HPRT1: variants seen among roughly 807,000 people sequenced by gnomAD.
HPRT1 encodes hypoxanthine-guanine phosphoribosyltransferase.
HPRT1 carries 4 observed loss-of-function variants against 19.0 expected under a neutral mutation model. The ratio of observed to expected loss-of-function variants is 0.21; its 90% CI spans 0.10 to 0.48. The LOEUF is 0.48. Ranked by LOEUF, HPRT1 falls within the 20% of genes least tolerant of loss-of-function variation. HPRT1 has a pLI of 0.98. For missense variants in HPRT1, 65 were observed against 164.0 expected (o/e 0.40, Z 3.30); for synonymous variants, 53 against 54.9 (o/e 0.97, Z 0.15).
rs35653185 is a variant in HPRT1, at chrX:134,482,685, G to GT, written c.319-3770dup. The stretch of plus-strand genomic sequence containing the variant: ...GTTTTTTAACTGACAAAAACCTTTA[G>GT]TTTTTTTTTTAGTAATGTGTTTATT... On this transcript the variant is annotated intron_variant, in intron 3 of 8. Coordinates refer to ENST00000298556, the MANE Select transcript of HPRT1 (RefSeq NM_000194.3). Among the ~76,000 whole-genome samples, 696 of 106,236 alleles carry GT rather than the reference G, an allele frequency of 6.6e-3. 4 individuals carry two copies. The highest frequency in any genetic ancestry group is 0.022 in the African/African-American group (634 of 29,472). The allele number at this position is 106,236 out of a possible 115,157, so 92.3% of individuals were successfully genotyped here.
chrX:134,490,505 A>G (rs867124449), intron 5 of HPRT1, among the ~76,000 whole-genome samples: 10 of 103,226 alleles, frequency 9.7e-5, no homozygotes, highest in Non-Finnish European at 1.5e-4. Flanking sequence ...TTTTATGTAT[A>G]TATATATATA....
chrX:134,470,008 A>G (rs762393740), intron 1 of HPRT1, among the ~76,000 whole-genome samples: 53 of 112,910 alleles, frequency 4.7e-4, no homozygotes, highest in Non-Finnish European at 9.2e-4. Flanking sequence ...CATTCTTTCT[A>G]TAGTAAATAT....
chrX:134,490,119 T>G, intron 4 of HPRT1, 69 bp from the exon 5 acceptor site: 1 of 672,571 alleles, frequency 1.5e-6, no homozygotes, highest in Non-Finnish European at 2.3e-6. Flanking sequence ...TGTTATGATG[T>G]GATTTGACTT....
At chrX:134,481,720 T>C (rs780240673) in intron 3 of HPRT1, among the ~76,000 whole-genome samples, 1 of 112,164 alleles carries the variant, frequency 8.9e-6, no homozygotes, top group South Asian at 3.6e-4. Flanking sequence ...CCCATGGCTT[T>C]TCACTTTGAT....
intron 2 of HPRT1, among the ~76,000 whole-genome samples, chrX:134,474,883 T>G (rs1264790812): frequency 9.0e-6 from 1 of 111,261 alleles, no homozygotes; most frequent in Non-Finnish European, 1.9e-5. Context: ...TAAAAAAAAT[T>G]TTTAATGCAT....
intron 2 of HPRT1, 108 bp from the exon 3 acceptor site, chrX:134,475,073 T>G: frequency 3.5e-6 from 2 of 577,627 alleles, no homozygotes; most frequent in South Asian, 2.6e-5. Flanking sequence ...AGGCATGGGG[T>G]CTCACTATAT....
At chrX:134,461,911 A>AT (rs1476537148) in intron 1 of HPRT1, among the ~76,000 whole-genome samples, 1 of 112,137 alleles carries the variant, frequency 8.9e-6, no homozygotes, top group African/African-American at 3.2e-5. Context: ...TGTTGTTTTT[A>AT]TTCAGTTGCT....
At chrX:134,474,046 G>A (rs372943580) in intron 2 of HPRT1, among the ~76,000 whole-genome samples, 7 of 111,971 alleles carry the variant, frequency 6.3e-5, no homozygotes, top group Middle Eastern at 4.7e-3. Context: ...TATACTATAT[G>A]CAAAAGTACA....
intron 3 of HPRT1, among the ~76,000 whole-genome samples, chrX:134,480,322 G>A (rs1195260183): frequency 9.0e-6 from 1 of 111,177 alleles, no homozygotes; most frequent in Non-Finnish European, 1.9e-5. Context: ...TCTAATATGG[G>A]CTTCCTATTA....
Position 134,475,280 on chromosome X carries a change from G to A in HPRT1, c.234G>A (p.Leu78=), listed in dbSNP as rs760963305. The change falls in exon 3 of 9, where the codon CTG becomes CTA. Residue 78 remains leucine (L), a synonymous_variant. Coordinates refer to ENST00000298556, the MANE Select transcript of HPRT1 (RefSeq NM_000194.3). The stretch of plus-strand genomic sequence containing the variant: ...GGGGCTATAAATTCTTTGCTGACCT[G>A]CTGGATTACATCAAAGCACTGAATA... The part of the protein sequence containing the change: ...LKGGYKFFAD[L]LDYIKALNRN... 2 of 1,195,421 alleles carry A rather than the reference G, an allele frequency of 1.7e-6. No homozygotes were observed. The highest frequency in any genetic ancestry group is 3.5e-5 in the African/African-American group (2 of 56,943).
At chrX:134,465,766 G>A (rs1364036574) in intron 1 of HPRT1, among the ~76,000 whole-genome samples, 1 of 112,136 alleles carries the variant, frequency 8.9e-6, no homozygotes, top group Non-Finnish European at 1.9e-5. Context: ...TTAATAACCT[G>A]TCCTTTGATT....
intron 3 of HPRT1, among the ~76,000 whole-genome samples, chrX:134,480,465 T>G (rs1350569802): frequency 9.2e-6 from 1 of 108,598 alleles, no homozygotes; most frequent in African/African-American, 3.4e-5. Flanking sequence ...TTTTTTTTTT[T>G]GAGACAAGGT....
chrX:134,492,023 A>C (rs1480315646), intron 5 of HPRT1, among the ~76,000 whole-genome samples: 1 of 98,336 alleles, frequency 1.0e-5, no homozygotes, highest in African/African-American at 3.8e-5. Flanking sequence ...ATATATATAC[A>C]TATATATATA....
At chrX:134,464,405 G>GT (rs1183335893) in intron 1 of HPRT1, among the ~76,000 whole-genome samples, 199 of 108,784 alleles carry the variant, frequency 1.8e-3, no homozygotes, top group Middle Eastern at 4.6e-3. Context: ...GCTTTGAGGT[G>GT]TTTTTTTTTG....
At chrX:134,461,056 C>CAGCCTCTGGTAT (rs2077582505) in intron 1 of HPRT1, among the ~76,000 whole-genome samples, 1 of 111,474 alleles carries the variant, frequency 9.0e-6, no homozygotes, top group Admixed American at 9.6e-5. Context: ...ACATTCTTAA[C>CAGCCTCTGGTAT]CGTAATCAGC....
intron 1 of HPRT1, among the ~76,000 whole-genome samples, chrX:134,462,187 A>C (rs1444312285): frequency 9.1e-6 from 1 of 109,925 alleles, no homozygotes; most frequent in Non-Finnish European, 1.9e-5. Flanking sequence ...TTATTTATTT[A>C]TTTATTTTTT....
intron 4 of HPRT1, among the ~76,000 whole-genome samples, chrX:134,487,758 A>G (rs767971510): frequency 8.9e-6 from 1 of 112,087 alleles, no homozygotes; most frequent in African/African-American, 3.2e-5. Context: ...TCTTTGGAAA[A>G]CTTCAGAGGA....
At chrX:134,472,773 C>T (rs774541321) in intron 1 of HPRT1, among the ~76,000 whole-genome samples, 78 of 110,527 alleles carry the variant, frequency 7.1e-4, no homozygotes, top group Non-Finnish European at 1.3e-3. Context: ...GGAGGTTTCA[C>T]CATGTTGACA....
At chrX:134,486,571 C>T (rs369630889) in intron 4 of HPRT1, 41 bp downstream of exon 4, 30 of 767,261 alleles carry the variant, frequency 3.9e-5, no homozygotes, top group African/African-American at 2.7e-4. Flanking sequence ...CACTTCATAC[C>T]GAGTCAATTA....
Sources: allele counts gnomAD v4.1 joint callset (sites outside exome capture counted in the v4.1 genomes callset), GRCh38; gene constraint gnomAD v4.1.1; transcripts MANE v1.5; gene names NCBI Gene and HGNC (gene_info 2026-07-23, HGNC 2026-07-21).